Variants in SPAG16 observed in about 807,000 individuals in gnomAD.
SPAG16 encodes the protein sperm-associated antigen 16 protein.
A neutral mutation model predicts 80.4 loss-of-function variants in SPAG16; 86 were observed. The observed-to-expected ratio is 1.07, with a 90% CI of 0.90 to 1.28. SPAG16 has a LOEUF of 1.28. Among genes scored for constraint, SPAG16 ranks in the 50% most tolerant of loss-of-function variants. The pLI is 0.00. For missense variants in SPAG16, 870 were observed against 765.3 expected (o/e 1.14, Z -1.61); for synonymous variants, 294 against 265.9 (o/e 1.11, Z -1.03).
Position 214,410,124 on chromosome 2 carries a change from T to C in SPAG16, c.1721-16T>C. ...TTTGATTCATTCTCTCTCTCTCTCC[T>C]CTCTGTCTCCCTCAGGTCGAGTTTT... On this transcript the variant is annotated splice_polypyrimidine_tract_variant and intron_variant, in intron 15 of 15. Transcript: ENST00000331683. 1.2e-6 allele frequency: 2 copies of C among 1,612,910 alleles called. No individual in the cohort carries two copies. The highest frequency in any genetic ancestry group is 1.7e-6 in the Non-Finnish European group (2 of 1,178,936).
chr2:214,177,971 G>GTGTGTATATATA (rs1397087073), intron 15 of SPAG16, among the ~76,000 whole-genome samples: 8 of 59,360 alleles, frequency 1.3e-4, no homozygotes, highest in African/African-American at 3.7e-4. Context: ...CAAAGTGTAT[G>GTGTGTATATATA]TATATATATA....
chr2:213,778,787 C>A (rs1370359335), intron 10 of SPAG16, among the ~76,000 whole-genome samples: 1 of 152,186 alleles, frequency 6.6e-6, no homozygotes, highest in Non-Finnish European at 1.5e-5. Context: ...GTTTACCAAG[C>A]AAACTTCTCT....
intron 10 of SPAG16, among the ~76,000 whole-genome samples, chr2:213,558,821 C>T (rs1477563729): frequency 6.6e-6 from 1 of 152,068 alleles, no homozygotes; most frequent in Non-Finnish European, 1.5e-5. Context: ...CCATACTCAG[C>T]TTCAAAAATC....
At chr2:213,924,462 C>T (rs2078370622) in intron 11 of SPAG16, among the ~76,000 whole-genome samples, 1 of 152,208 alleles carries the variant, frequency 6.6e-6, no homozygotes, top group Non-Finnish European at 1.5e-5. Flanking sequence ...TGTTCTCCTG[C>T]TGCCTTCATG....
intron 10 of SPAG16, among the ~76,000 whole-genome samples, chr2:213,580,877 T>C (rs929147626): frequency 6.6e-6 from 1 of 152,114 alleles, no homozygotes; most frequent in Non-Finnish European, 1.5e-5. Flanking sequence ...CACATGTATC[T>C]CCCAGCCTAT....
At position 213,915,500 on chromosome 2, in the gene SPAG16, T is replaced by G. The variant is rs184916290; in HGVS notation, c.1215-14460T>G. Among the ~76,000 whole-genome samples, 29 of 152,352 alleles carry G rather than the reference T, an allele frequency of 1.9e-4. No individual in the cohort carries two copies. In the East Asian group the frequency reaches 5.6e-3, roughly 29 times the overall value. On this transcript the variant is annotated intron_variant, in intron 11 of 15. Coordinates refer to ENST00000331683, the MANE Select transcript of SPAG16 (RefSeq NM_024532.5). The stretch of plus-strand genomic sequence containing the variant: ...TGCATAGTATTCCATGGTGTATATG[T>G]GCCACATTTTCTTTATCTAGTCTCT...
chr2:214,026,893 CAA>C (rs2048158383), intron 13 of SPAG16, among the ~76,000 whole-genome samples: 1 of 151,462 alleles, frequency 6.6e-6, no homozygotes, highest in Non-Finnish European at 1.5e-5. Context: ...TTCAGTAAAT[CAA>C]AGTCATCATT....
intron 15 of SPAG16, among the ~76,000 whole-genome samples, chr2:214,402,476 T>A (rs1230194623): frequency 6.6e-6 from 1 of 151,836 alleles, no homozygotes; most frequent in Non-Finnish European, 1.5e-5. Flanking sequence ...AAACAAGAAC[T>A]GTTTTTTTTT....
intron 10 of SPAG16, among the ~76,000 whole-genome samples, chr2:213,537,004 C>T (rs915427597): frequency 5.3e-5 from 8 of 151,984 alleles, no homozygotes; most frequent in African/African-American, 1.9e-4. Flanking sequence ...GAGTTCATGT[C>T]CTTTGTAGGT....
At chr2:214,254,933 C>T (rs893347268) in intron 15 of SPAG16, among the ~76,000 whole-genome samples, 3 of 151,772 alleles carry the variant, frequency 2.0e-5, no homozygotes, top group Non-Finnish European at 4.4e-5. Flanking sequence ...AAATAAAGAA[C>T]ACTGGATTTG....
At chr2:213,658,618 T>C (rs985276471) in intron 10 of SPAG16, among the ~76,000 whole-genome samples, 1 of 152,194 alleles carries the variant, frequency 6.6e-6, no homozygotes, top group Non-Finnish European at 1.5e-5. Context: ...GGTGAAGTCG[T>C]GCATGGGTAG....
At chr2:213,708,005 G>T (rs2065831768) in intron 10 of SPAG16, among the ~76,000 whole-genome samples, 1 of 152,096 alleles carries the variant, frequency 6.6e-6, no homozygotes, top group Admixed American at 6.6e-5. Context: ...GAGAGTCAGT[G>T]AAAGTCAATA....
chr2:213,783,411 AT>A (rs2070142411), intron 10 of SPAG16, among the ~76,000 whole-genome samples: 1 of 149,866 alleles, frequency 6.7e-6, no homozygotes, highest in Non-Finnish European at 1.5e-5. Flanking sequence ...CAGTCAATAC[AT>A]TTTTGAAGGC....
chr2:214,247,602 T>C (rs1576588971), intron 15 of SPAG16, among the ~76,000 whole-genome samples: 1 of 152,176 alleles, frequency 6.6e-6, no homozygotes, highest in African/African-American at 2.4e-5. Context: ...AGTTTATAGT[T>C]TGAGATGCTT....
intron 15 of SPAG16, among the ~76,000 whole-genome samples, chr2:214,383,593 A>G (rs537533734): frequency 1.3e-5 from 2 of 152,094 alleles, no homozygotes; most frequent in East Asian, 1.9e-4. Context: ...AAAAGAAAAA[A>G]AAAGACATAT....
chr2:213,866,029 G>C (rs2075667060), intron 11 of SPAG16, among the ~76,000 whole-genome samples: 1 of 150,826 alleles, frequency 6.6e-6, no homozygotes, highest in Non-Finnish European at 1.5e-5. Context: ...GAAAAACCTG[G>C]ACTAGATTAA....
At chr2:213,898,956 G>T (rs951137429) in intron 11 of SPAG16, among the ~76,000 whole-genome samples, 20 of 152,046 alleles carry the variant, frequency 1.3e-4, no homozygotes, top group African/African-American at 4.6e-4. Context: ...TTAGTCAAAG[G>T]ATAAGAAAGA....
chr2:213,545,913 A>G (rs1378141499), intron 10 of SPAG16, among the ~76,000 whole-genome samples: 1 of 152,104 alleles, frequency 6.6e-6, no homozygotes, highest in Non-Finnish European at 1.5e-5. Flanking sequence ...TTCCAGGAAT[A>G]TAAGCCTGGT....
intron 9 of SPAG16, among the ~76,000 whole-genome samples, chr2:213,385,438 G>A (rs2067377571): frequency 6.6e-6 from 1 of 152,068 alleles, no homozygotes; most frequent in Admixed American, 6.6e-5. Context: ...ATGACCTCAG[G>A]ACCCAATTCT....
Sources: allele counts gnomAD v4.1 joint callset (sites outside exome capture counted in the v4.1 genomes callset), GRCh38; gene constraint gnomAD v4.1.1; transcripts MANE v1.5; gene names NCBI Gene and HGNC (gene_info 2026-07-23, HGNC 2026-07-21).